DNAH17: variants seen among roughly 807,000 people sequenced by gnomAD.
DNAH17 encodes axonemal beta dynein heavy chain 17.
Under a neutral mutation model 485.6 loss-of-function variants are expected in DNAH17, and 376 were observed. The observed-to-expected ratio is 0.77, with a 90% CI of 0.71 to 0.84. The LOEUF (loss-of-function observed/expected upper bound fraction) is 0.84, where lower values mean the gene tolerates loss of function less well. Among genes scored for constraint, DNAH17 ranks in the 40% least tolerant of loss-of-function variants. The pLI is 0.00. For synonymous variants in DNAH17, 3,031 were observed against 2,405.9 expected (o/e 1.26, Z -7.60); for missense variants, 6,370 against 5,839.3 (o/e 1.09, Z -2.96).
intron 34 of DNAH17, 29 bp from the exon 35 acceptor site, chr17:78,501,373 C>CA (rs2090282861): frequency 9.6e-6 from 15 of 1,569,030 alleles, no homozygotes; most frequent in Non-Finnish European, 1.2e-5. Flanking sequence ...CTCTTGTTGC[C>CA]AGGTGGAATA....
rs746512446 is a variant in DNAH17, at chr17:78,571,606, T to G, written c.716A>C (p.Lys239Thr). 1 of 1,613,900 alleles carries G rather than the reference T, an allele frequency of 6.2e-7. No homozygotes were observed. Among genetic ancestry groups the G allele is most frequent in the Middle Eastern group, 1.6e-4 (1 of 6,062 alleles). Residue 239 changes from lysine to threonine, a missense_variant, in exon 4 of 81, where the codon AAG becomes ACG. Coordinates refer to ENST00000389840, the MANE Select transcript of DNAH17 (RefSeq NM_173628.4). ...AGGCCGTACCTGTTCATGGATGCAC[T>G]TGAGGTTCAGCAGCCGAGTGTCCCA... The part of the protein sequence containing the change: ...EFWDTRLLNL[K>T]CIHEQLNRPK...
intron 25 of DNAH17, among the ~76,000 whole-genome samples, chr17:78,520,931 A>C (rs1320126409): frequency 6.6e-6 from 1 of 152,200 alleles, no homozygotes; most frequent in Non-Finnish European, 1.5e-5. Flanking sequence ...CAATCTTGAC[A>C]AAAAAGGATA....
At chr17:78,477,928 CATCATCACCACCATCACCATT>C (rs1454126265) in intron 51 of DNAH17, among the ~76,000 whole-genome samples, 2 of 149,500 alleles carry the variant, frequency 1.3e-5, no homozygotes, top group South Asian at 2.1e-4. Context: ...CCATCACCAC[CATCATCACCACCATCACCATT>C]ATCATCTCCA....
At chr17:78,498,080 T>C (rs2090137136) in intron 37 of DNAH17, among the ~76,000 whole-genome samples, 1 of 151,800 alleles carries the variant, frequency 6.6e-6, no homozygotes, top group South Asian at 2.1e-4. Context: ...AGGCGGAGGT[T>C]CAGTGAACCG....
intron 25 of DNAH17, among the ~76,000 whole-genome samples, chr17:78,519,909 A>G (rs2090892016): frequency 6.6e-6 from 1 of 152,202 alleles, no homozygotes; most frequent in Non-Finnish European, 1.5e-5. Flanking sequence ...CAGGAGTTTG[A>G]GACCAGCCTG....
At chr17:78,563,738 A>G (rs1317424547) in intron 11 of DNAH17, among the ~76,000 whole-genome samples, 1 of 151,752 alleles carries the variant, frequency 6.6e-6, no homozygotes, top group Non-Finnish European at 1.5e-5. Context: ...TGATAATGAG[A>G]ACTAACTCCG....
At chr17:78,492,332 A>G (rs1229778418) in intron 42 of DNAH17, among the ~76,000 whole-genome samples, 3 of 150,996 alleles carry the variant, frequency 2.0e-5, no homozygotes, top group Admixed American at 2.0e-4. Flanking sequence ...GCTCCCATGC[A>G]CTCCTCACGG....
chr17:78,523,676 C>T lies in DNAH17; in HGVS notation c.3864+1333G>A, dbSNP rs570585685. Among the ~76,000 whole-genome samples, 10 of 152,342 alleles carry T rather than the reference C, an allele frequency of 6.6e-5. No homozygotes were observed. In the East Asian group the frequency reaches 1.4e-3, roughly 21 times the overall value. ...ATACCAGCACTTTAGAAGGCTGAGACGGATGGATCGCTTGAGCCCAGAAGT... is the reference window on the plus strand; with the variant it reads ...ATACCAGCACTTTAGAAGGCTGAGATGGATGGATCGCTTGAGCCCAGAAGT... On this transcript the variant is annotated intron_variant, in intron 25 of 80. Coordinates refer to ENST00000389840, the MANE Select transcript of DNAH17 (RefSeq NM_173628.4).
At chr17:78,532,808 G>A (rs561490274) in intron 19 of DNAH17, 72 bp from the exon 20 acceptor site, 83 of 1,454,564 alleles carry the variant, frequency 5.7e-5, no homozygotes, top group African/African-American at 2.0e-4. Context: ...TTGTCCTCTC[G>A]GCCTTGAGAA....
rs367712708 is a variant in DNAH17, at chr17:78,436,711, G to C, written c.12033+930C>G. On this transcript the variant is annotated intron_variant, in intron 74 of 80. Coordinates refer to ENST00000389840, the MANE Select transcript of DNAH17 (RefSeq NM_173628.4). ...ATCCAAAATATTAGCTGGGTGTGGT[G>C]GTGCATGCCTGTAATCCCAGCTACT... Among the ~76,000 whole-genome samples, 9 of 152,128 alleles carry C rather than the reference G, an allele frequency of 5.9e-5. 1 individual carries two copies. The East Asian group carries it at 7.8e-4, about 13-fold the overall frequency.
Position 78,466,810 on chromosome 17 carries a change from G to A in DNAH17, c.8785C>T (p.Leu2929=), listed in dbSNP as rs2088487047. 2 of 1,585,200 alleles carry A rather than the reference G, an allele frequency of 1.3e-6. No homozygotes were observed. Among genetic ancestry groups the A allele is most frequent in the African/African-American group, 2.7e-5 (2 of 73,722 alleles). The change falls in exon 56 of 81, where the codon CTG becomes TTG. Residue 2929 remains leucine, a synonymous_variant. Transcript: ENST00000389840. ...EKVRRQLKVI[L]CFSPVGSVLR... is the part of the protein sequence containing the mutation. ...ACGGAGCCCACAGGGGAGAAACACA[G>A]GATCACCTGGGTGTGGGAGACACAG...
chr17:78,494,238 G>A (rs1382791191), intron 40 of DNAH17, 65 bp from the exon 41 acceptor site: 2 of 1,563,622 alleles, frequency 1.3e-6, no homozygotes, highest in Non-Finnish European at 1.7e-6. Context: ...TCGCTGGGAG[G>A]CTGGGGGGCT....
chr17:78,488,736 A>G (rs2089720901), intron 44 of DNAH17, among the ~76,000 whole-genome samples: 1 of 152,230 alleles, frequency 6.6e-6, no homozygotes, highest in Admixed American at 6.5e-5. Context: ...AGACAAGATC[A>G]TCCTGGATTT....
At chr17:78,432,684 G>A (rs1410268572) in intron 75 of DNAH17, among the ~76,000 whole-genome samples, 11 of 152,224 alleles carry the variant, frequency 7.2e-5, no homozygotes, top group Admixed American at 5.2e-4. Context: ...ATGGGAGCAC[G>A]TGTGCCGTGC....
intron 75 of DNAH17, among the ~76,000 whole-genome samples, chr17:78,431,621 CAGAT>C (rs2086678311): frequency 6.6e-6 from 1 of 152,142 alleles, no homozygotes; most frequent in Admixed American, 6.5e-5. Context: ...GCCGTGGACA[CAGAT>C]GACATCATTC....
At chr17:78,442,118 C>T (rs550324345) in intron 71 of DNAH17, among the ~76,000 whole-genome samples, 7 of 152,088 alleles carry the variant, frequency 4.6e-5, no homozygotes, top group Non-Finnish European at 8.8e-5. Flanking sequence ...TAGTGGCCAG[C>T]TGGTCTCTGA....
chr17:78,566,837 T>C (rs1367461576), intron 10 of DNAH17, 107 bp from the exon 11 acceptor site: 2 of 1,299,410 alleles, frequency 1.5e-6, no homozygotes, highest in Non-Finnish European at 2.1e-6. Flanking sequence ...GAGGCGCAGC[T>C]GAATGTGCTG....
At chr17:78,451,850 C>T (rs1238015065) in intron 65 of DNAH17, among the ~76,000 whole-genome samples, 177 bp from the exon 66 acceptor site, 6 of 152,088 alleles carry the variant, frequency 3.9e-5, no homozygotes, top group South Asian at 2.1e-4. Context: ...TGGCCTGTGA[C>T]GTGGGCCCTT....
rs2092348693 is a variant in DNAH17 at position 78,570,955 on chromosome 17, A to C, written c.911T>G (p.Phe304Cys). 1 of 1,588,004 alleles carries C rather than the reference A, an allele frequency of 6.3e-7. No homozygotes were observed. Among genetic ancestry groups the C allele is most frequent in the Non-Finnish European group, 8.6e-7 (1 of 1,167,150 alleles). The change falls in exon 6 of 81, where the codon TTC becomes TGC. Residue 304 changes from phenylalanine (F) to cysteine (C), a missense_variant. By Grantham distance (205) the Phe-to-Cys change is radical. Transcript: ENST00000389840. ...ILLEEMEQAD[F>C]TMLPTFIAKV... Reference sequence around the variant, plus strand: ...TCTCCCTTGCCTGCGCACCATCGTGAAGTCGGCTTGTTCCATCTCCTCCAG... The same window carrying C: ...TCTCCCTTGCCTGCGCACCATCGTGCAGTCGGCTTGTTCCATCTCCTCCAG...
Sources: gnomAD v4.1 joint callset for allele counts (sites outside exome capture counted in the v4.1 genomes callset) on GRCh38, gnomAD v4.1.1 for gene constraint, MANE v1.5 for transcripts, NCBI Gene and HGNC (gene_info 2026-07-23, HGNC 2026-07-21) for gene names.